The following RHOXF1 variants were observed in gnomAD, a reference collection of about 807,000 sequenced individuals.
RHOXF1 encodes Rhox homeobox family member 1, also known as PEPP subfamily gene 1.
RHOXF1 carries 1 observed loss-of-function variant against 9.7 expected under a neutral mutation model. That is an observed-to-expected ratio of 0.10 (90% CI 0.04 to 0.49). The LOEUF is 0.49. Among genes scored for constraint, RHOXF1 ranks in the 20% least tolerant of loss-of-function variants. RHOXF1 has a pLI of 0.95. For synonymous variants in RHOXF1, 72 were observed against 70.2 expected (o/e 1.03, Z -0.13); for missense variants, 179 against 168.0 (o/e 1.07, Z -0.36).
chrX:120,114,366 A>AAAC (rs782306440), intron 1 of RHOXF1, among the ~76,000 whole-genome samples: 1 of 111,027 alleles, frequency 9.0e-6, no homozygotes, highest in Non-Finnish European at 1.9e-5. Flanking sequence ...CACTCAACAA[A>AAAC]AACAACAACA....
intron 2 of RHOXF1, among the ~76,000 whole-genome samples, 182 bp from the exon 3 acceptor site, chrX:120,109,484 C>G (rs1339900163): frequency 9.0e-6 from 1 of 111,292 alleles, no homozygotes; most frequent in Non-Finnish European, 1.9e-5. Flanking sequence ...TTCAGCTCAC[C>G]CTTAGTGAGG....
At chrX:120,119,377 A>T (rs1429768288), upstream of RHOXF1, among the ~76,000 whole-genome samples, 3 of 112,231 alleles carry the variant, frequency 2.7e-5, no homozygotes, top group Non-Finnish European at 5.6e-5. Context: ...AATCTGTTAC[A>T]TCAGGCCGTG....
At chrX:120,118,331 T>C (rs2057305028), upstream of RHOXF1, among the ~76,000 whole-genome samples, 1 of 111,776 alleles carries the variant, frequency 8.9e-6, no homozygotes, top group Admixed American at 9.5e-5. Context: ...TGGAGGTTCC[T>C]GGTTTGCTTT....
At chrX:120,113,968 T>C (rs2057282358) in intron 1 of RHOXF1, among the ~76,000 whole-genome samples, 1 of 108,928 alleles carries the variant, frequency 9.2e-6, no homozygotes, top group Non-Finnish European at 1.9e-5. Flanking sequence ...TGTGGTGGCC[T>C]GTGCCTGCAG....
At chrX:120,118,544 T>G (rs1163810472), upstream of RHOXF1, among the ~76,000 whole-genome samples, 1 of 112,281 alleles carries the variant, frequency 8.9e-6, no homozygotes, top group Non-Finnish European at 1.9e-5. Flanking sequence ...TGTTTTATTC[T>G]TTTTCTTCAA....
chrX:120,116,896 A>AAAAT (rs782677038), upstream of RHOXF1, among the ~76,000 whole-genome samples: 6 of 111,780 alleles, frequency 5.4e-5, no homozygotes, highest in East Asian at 2.8e-4. Context: ...GGACAAGCAA[A>AAAAT]AAATAAATAA....
intron 2 of RHOXF1, among the ~76,000 whole-genome samples, chrX:120,111,392 G>T (rs2057264404): frequency 9.0e-6 from 1 of 111,617 alleles, no homozygotes; most frequent in Non-Finnish European, 1.9e-5. Flanking sequence ...CCCACTACCA[G>T]ATCGGCAGTG....
upstream of RHOXF1, among the ~76,000 whole-genome samples, chrX:120,118,593 C>T (rs1450065662): frequency 8.9e-6 from 1 of 111,820 alleles, no homozygotes; most frequent in Non-Finnish European, 1.9e-5. Context: ...CTGTTGACTC[C>T]GCCTCAGAAA....
chrX:120,111,417 C>T (rs868932061), intron 2 of RHOXF1, among the ~76,000 whole-genome samples: 1 of 111,810 alleles, frequency 8.9e-6, no homozygotes, highest in African/African-American at 3.3e-5. Flanking sequence ...TCCCTCACTA[C>T]ACTCACACAT....
intron 2 of RHOXF1, among the ~76,000 whole-genome samples, chrX:120,112,419 T>A (rs1441845196): frequency 4.5e-4 from 5 of 11,228 alleles, no homozygotes; most frequent in Non-Finnish European, 1.5e-3. Context: ...ATATATGTAT[T>A]ATATATAATA....
chrX:120,112,446 A>T (rs868947986), intron 2 of RHOXF1, among the ~76,000 whole-genome samples: 1 of 8,721 alleles, frequency 1.1e-4, no homozygotes, highest in African/African-American at 1.4e-4. Context: ...TATTATATAT[A>T]ATACACATAT....
intron 1 of RHOXF1, among the ~76,000 whole-genome samples, chrX:120,113,708 C>T (rs2057280971): frequency 9.2e-6 from 1 of 109,186 alleles, no homozygotes; most frequent in Non-Finnish European, 1.9e-5. Flanking sequence ...ACCTTCCCAC[C>T]TTGGCCTCCC....
chrX:120,117,069 A>G (rs1320437513), upstream of RHOXF1, among the ~76,000 whole-genome samples: 2 of 109,797 alleles, frequency 1.8e-5, no homozygotes, highest in Non-Finnish European at 3.8e-5. Flanking sequence ...CCTTCCTACC[A>G]CTGACCCCAA....
chrX:120,110,960 C>T (rs967239076), intron 2 of RHOXF1, among the ~76,000 whole-genome samples: 2 of 111,922 alleles, frequency 1.8e-5, no homozygotes, highest in Admixed American at 1.9e-4. Context: ...CCAAAGTGTA[C>T]AGTGGGTTAA....
chrX:120,119,150 T>C (rs1372097673), upstream of RHOXF1, among the ~76,000 whole-genome samples: 2 of 112,473 alleles, frequency 1.8e-5, no homozygotes, highest in African/African-American at 6.5e-5. Context: ...GTAGGAAATG[T>C]GAGGCTGCAT....
chrX:120,116,837 T>C (rs1603391342), upstream of RHOXF1, among the ~76,000 whole-genome samples: 1 of 111,336 alleles, frequency 9.0e-6, no homozygotes, highest in Non-Finnish European at 1.9e-5. Flanking sequence ...CTGAATATCT[T>C]TGGCTATGCA....
At position 120,115,612 on chromosome X, in the gene RHOXF1, G is replaced by GGGGGCT. The variant is rs1556000419; in HGVS notation, c.245_250dup (p.Gln82_Pro83dup). The GGGGGCT allele has an allele frequency of 6.0e-6, 7 of 1,164,382 alleles. No individual in the cohort carries two copies. Among genetic ancestry groups the GGGGGCT allele is most frequent in the Non-Finnish European group, 8.0e-6 (7 of 872,634 alleles). On this transcript the variant is annotated inframe_insertion, in exon 1 of 3. Transcript: ENST00000217999. ...GGCCGCCTGGGCCGGCTCCTCCGGCGGGGGCTGCGGCTGCTGCCGAGGCTC... is the reference window on the plus strand; with the variant it reads ...GGCCGCCTGGGCCGGCTCCTCCGGCGGGGGCTGGGGCTGCGGCTGCTGCCGAGGCTC...
chrX:120,115,512 C>T lies in RHOXF1; in HGVS notation c.351G>A (p.Glu117=). ...GAGTGTGTCGGAAAACACTTTCCAGCTCCTCCACCTGCAACAGCGTGAACT... is the reference window on the plus strand; with the variant it reads ...GAGTGTGTCGGAAAACACTTTCCAGTTCCTCCACCTGCAACAGCGTGAACT... ...RTKFTLLQVE[E]LESVFRHTQY... The change falls in exon 1 of 3, where the codon GAG becomes GAA. Residue 117 remains glutamate (E), a synonymous_variant. Coordinates refer to ENST00000217999, the MANE Select transcript of RHOXF1 (RefSeq NM_139282.3). The T allele has an allele frequency of 8.8e-7, 1 of 1,133,703 alleles. No individual in the cohort carries two copies. The highest frequency in any genetic ancestry group is 1.2e-6 in the Non-Finnish European group (1 of 858,583). The allele number at this position is 1,133,703 out of a possible 1,213,427, so 93.4% of individuals were successfully genotyped here.
At chrX:120,112,525 A>ATG (rs1183103029) in intron 2 of RHOXF1, among the ~76,000 whole-genome samples, 260 of 30,508 alleles carry the variant, frequency 8.5e-3, no homozygotes, top group African/African-American at 0.033. Context: ...TAATACACAT[A>ATG]TGTATTATAT....
Sources: allele counts gnomAD v4.1 joint callset (sites outside exome capture counted in the v4.1 genomes callset), GRCh38; gene constraint gnomAD v4.1.1; transcripts MANE v1.5; gene names NCBI Gene and HGNC (gene_info 2026-07-23, HGNC 2026-07-21).